Variants in ELP4 observed in about 807,000 individuals in gnomAD.
ELP4 encodes the protein elongator complex protein 4.
A neutral mutation model predicts 48.9 loss-of-function variants in ELP4; 51 were observed. That is an observed-to-expected ratio of 1.04 (90% confidence interval 0.83 to 1.32). The LOEUF is 1.32. ELP4 is among the 40% of genes most tolerant of loss of function. The pLI, the probability that ELP4 is intolerant of heterozygous loss-of-function variation, is 0.00. For synonymous variants in ELP4, 210 were observed against 189.2 expected (o/e 1.11, Z -0.90); for missense variants, 519 against 514.6 (o/e 1.01, Z -0.08).
At chr11:31,632,154 A>G (rs1944873942) in intron 6 of ELP4, 63 bp from the exon 7 acceptor site, 1 of 1,350,976 alleles carries the variant, frequency 7.4e-7, no homozygotes, top group Non-Finnish European at 1.0e-6. Flanking sequence ...ACTGACAGAT[A>G]AAAGTGGTAT....
At chr11:31,585,351 G>A (rs141944022) in intron 3 of ELP4, among the ~76,000 whole-genome samples, 10 of 151,706 alleles carry the variant, frequency 6.6e-5, no homozygotes, top group African/African-American at 2.4e-4. Flanking sequence ...AATGGGAACC[G>A]AATACTCACT....
chr11:31,533,468 C>T (rs1956439661), intron 2 of ELP4, among the ~76,000 whole-genome samples: 1 of 149,512 alleles, frequency 6.7e-6, no homozygotes, highest in Non-Finnish European at 1.5e-5. Flanking sequence ...AGCTCCGCCT[C>T]CCGAGTTAAC....
chr11:31,764,443 T>C (rs1008928251), intron 9 of ELP4, among the ~76,000 whole-genome samples: 2 of 152,242 alleles, frequency 1.3e-5, no homozygotes, highest in African/African-American at 4.8e-5. Context: ...ATTACACAGC[T>C]TAAATCGTAG....
intron 2 of ELP4, among the ~76,000 whole-genome samples, chr11:31,538,305 A>G (rs932616247): frequency 6.7e-6 from 1 of 148,550 alleles, no homozygotes; most frequent in Non-Finnish European, 1.5e-5. Context: ...AATTCTATAT[A>G]TTACAGTAAT....
chr11:31,771,796 A>G lies in ELP4; in HGVS notation c.1144-11597A>G, dbSNP rs189542516. ...AGATCAAGACCATCCTGGCTAACACAGTGAAACCCTGTATCTACTAAAGAT... is the reference window on the plus strand; with the variant it reads ...AGATCAAGACCATCCTGGCTAACACGGTGAAACCCTGTATCTACTAAAGAT... On this transcript the variant is annotated intron_variant, in intron 9 of 9. Coordinates refer to ENST00000640961, the MANE Select transcript of ELP4 (RefSeq NM_019040.5). 9.1e-4 allele frequency among the ~76,000 whole-genome samples: 138 copies of G among 152,268 alleles called. 1 individual carries two copies. The highest frequency in any genetic ancestry group is 5.0e-3 in the East Asian group (26 of 5,160).
chr11:31,529,653 A>G (rs989730125), intron 2 of ELP4, among the ~76,000 whole-genome samples: 3 of 152,338 alleles, frequency 2.0e-5, no homozygotes, highest in African/African-American at 7.2e-5. Flanking sequence ...TTTTGTCAAC[A>G]TTCTCAAACA....
chr11:31,590,893 C>T (rs1350074325), intron 3 of ELP4, among the ~76,000 whole-genome samples: 2 of 152,178 alleles, frequency 1.3e-5, no homozygotes, highest in African/African-American at 4.8e-5. Context: ...CCAGGTCCCA[C>T]CTCCAACAAT....
intron 7 of ELP4, among the ~76,000 whole-genome samples, chr11:31,640,624 T>G (rs1235857038): frequency 6.6e-6 from 1 of 151,990 alleles, no homozygotes; most frequent in Non-Finnish European, 1.5e-5. Context: ...GAGATTAAAT[T>G]AGGCTTGTAA....
intron 6 of ELP4, among the ~76,000 whole-genome samples, chr11:31,627,742 C>T (rs894170132): frequency 1.3e-5 from 2 of 152,006 alleles, no homozygotes; most frequent in African/African-American, 2.4e-5. Context: ...GTTAGTTTAG[C>T]TTAAACAAAG....
At chr11:31,518,970 T>G (rs1956165761) in intron 1 of ELP4, among the ~76,000 whole-genome samples, 1 of 151,096 alleles carries the variant, frequency 6.6e-6, no homozygotes, top group East Asian at 2.0e-4. Flanking sequence ...CACCACCACA[T>G]GCAGATTATT....
intron 9 of ELP4, among the ~76,000 whole-genome samples, chr11:31,693,604 T>C (rs1159240644): frequency 6.6e-6 from 1 of 152,212 alleles, no homozygotes; most frequent in Non-Finnish European, 1.5e-5. Context: ...CTATTGTGAA[T>C]AGTGGTGCAG....
At chr11:31,606,959 C>A (rs1210114401) in intron 5 of ELP4, among the ~76,000 whole-genome samples, 1 of 152,082 alleles carries the variant, frequency 6.6e-6, no homozygotes, top group African/African-American at 2.4e-5. Flanking sequence ...GAGATGGGGC[C>A]TTTGGGAAGT....
At chr11:31,582,502 C>T (rs910562292) in intron 3 of ELP4, among the ~76,000 whole-genome samples, 3 of 152,088 alleles carry the variant, frequency 2.0e-5, no homozygotes, top group African/African-American at 7.2e-5. Context: ...TTTTTGTGCA[C>T]ACATCTTTTA....
chr11:31,639,594 C>A (rs1027541689), intron 7 of ELP4, among the ~76,000 whole-genome samples: 1 of 151,832 alleles, frequency 6.6e-6, no homozygotes, highest in Non-Finnish European at 1.5e-5. Context: ...TTTACACAAA[C>A]TCTAAATTAT....
Position 31,789,739 on chromosome 11 carries a change from G to A in ELP4, c.*6215G>A, listed in dbSNP as rs1414622264. On this transcript the variant is annotated 3_prime_UTR_variant, in exon 10 of 10. Transcript: ENST00000640961. ...ATGAAGATTTGTTCCAACTGATATC[G>A]TGCCTTCTGTATACAAAGGTCCTTG... 9.9e-6 allele frequency: 7 copies of A among 707,324 alleles called. No homozygotes were observed. The highest frequency in any genetic ancestry group is 4.4e-5 in the South Asian group (3 of 67,608). The allele number at this position is 707,324 out of a possible 1,614,324, so 43.8% of individuals were successfully genotyped here. A position where few individuals can be genotyped will look rare whatever the true frequency, so the allele number is the denominator to read the frequency against.
Position 31,617,472 on chromosome 11 carries a change from T to C in ELP4, c.654-9638T>C, listed in dbSNP as rs528891431. Among the ~76,000 whole-genome samples the C allele has an allele frequency of 1.1e-4, 17 of 152,044 alleles. No individual in the cohort carries two copies. The South Asian group carries it at 3.5e-3, about 32-fold the overall frequency. ...TTTCTTGTTTCATGGATAAGCAGTT[T>C]CAGTTTTACAAGATAAAAAAGTTCT... On this transcript the variant is annotated intron_variant, in intron 5 of 9. Transcript: ENST00000640961.
intron 7 of ELP4, among the ~76,000 whole-genome samples, chr11:31,638,874 G>A (rs1212891403): frequency 6.6e-6 from 1 of 151,884 alleles, no homozygotes; most frequent in African/African-American, 2.4e-5. Context: ...TTCTCTCAGT[G>A]TGAAATCTTT....
chr11:31,729,006 G>A (rs940325173), intron 9 of ELP4, among the ~76,000 whole-genome samples: 3 of 152,080 alleles, frequency 2.0e-5, no homozygotes, highest in African/African-American at 7.2e-5. Flanking sequence ...TTATATTAAA[G>A]CACAAAATAG....
intron 9 of ELP4, among the ~76,000 whole-genome samples, chr11:31,695,629 T>C (rs1236648562): frequency 6.6e-6 from 1 of 150,448 alleles, no homozygotes; most frequent in Non-Finnish European, 1.5e-5. Flanking sequence ...CTTTTTTTGT[T>C]GTTGTTGTTG....
Sources: gnomAD v4.1 joint callset for allele counts (sites outside exome capture counted in the v4.1 genomes callset) on GRCh38, gnomAD v4.1.1 for gene constraint, MANE v1.5 for transcripts, NCBI Gene and HGNC (gene_info 2026-07-23, HGNC 2026-07-21) for gene names.